The following OR4C11 variants were observed in gnomAD, a reference collection of about 807,000 sequenced individuals.
OR4C11 encodes olfactory receptor family 4 subfamily C member 11, also known as olfactory receptor 4C11.
In OR4C11, 15 loss-of-function variants were observed where a neutral mutation model predicts 14.7. The ratio of observed to expected loss-of-function variants is 1.02; its 90% CI spans 0.68 to 1.58. The LOEUF (loss-of-function observed/expected upper bound fraction) is 1.58. OR4C11 is among the 40% of genes most tolerant of loss of function. The probability of loss-of-function intolerance (pLI) is 0.00; values close to 1 mark genes in which losing one functional copy is unlikely to be tolerated. For missense variants in OR4C11, 473 were observed against 383.0 expected, an observed-to-expected ratio of 1.24 and a Z score of -1.96; for synonymous variants, 146 against 135.0, an observed-to-expected ratio of 1.08 and a Z score of -0.57.
intron 2 of OR4C11, among the ~76,000 whole-genome samples, chr11:55,605,763 T>C (rs1857952530): frequency 7.2e-6 from 1 of 138,814 alleles, no homozygotes; most frequent in African/African-American, 2.5e-5. Flanking sequence ...TTATAAAGAT[T>C]ATGCCTCTGG....
In OR4C11 at chr11:55,604,310, G is replaced by T. The variant is rs769346004; in HGVS notation, c.64C>A (p.Gln22Lys). 8.4e-6 allele frequency: 12 copies of T among 1,420,938 alleles called. 1 individual carries two copies. Among genetic ancestry groups the T allele is most frequent in the Non-Finnish European group, 1.1e-5 (11 of 1,040,048 alleles). The allele number at this position is 1,420,938 out of a possible 1,614,324, so 88.0% of individuals were successfully genotyped here. Residue 22 changes from glutamine to lysine, a missense_variant, in exon 4 of 4, where the codon CAG becomes AAG. Coordinates refer to ENST00000641580, the MANE Select transcript of OR4C11 (RefSeq NM_001004700.3). ...LLGLTQDPLR[Q>K]KIVFVIFLIF... The stretch of plus-strand genomic sequence containing the variant: ...AAGAAGATTACAAACACTATTTTCT[G>T]CCTCAAGGGATCCTGTGTTAATCCT...
chr11:55,603,596 G>T lies in OR4C11; in HGVS notation c.778C>A (p.Pro260Thr), dbSNP rs1326011560. 6.7e-6 allele frequency: 10 copies of T among 1,485,216 alleles called. 1 individual carries two copies. The highest frequency in any genetic ancestry group is 1.4e-5 in the African/African-American group (1 of 72,488). The allele number at this position is 1,485,216 out of a possible 1,614,324, so 92.0% of individuals were successfully genotyped here. A position where few individuals can be genotyped will look rare whatever the true frequency, so the allele number is the denominator to read the frequency against. The change falls in exon 4 of 4, where the codon CCG becomes ACG. Residue 260 changes from proline (P) to threonine (T), a missense_variant. By Grantham distance (38) the Pro-to-Thr change is conservative. Coordinates refer to ENST00000641580, the MANE Select transcript of OR4C11 (RefSeq NM_001004700.3). Reference sequence around the variant, plus strand: ...ATCTTGTCCATGGGGAAAGTGGTCGGGGGGCGTGTATATATGAATATACAT... The same window carrying T: ...ATCTTGTCCATGGGGAAAGTGGTCGTGGGGCGTGTATATATGAATATACAT... ...GPCIFIYTRPPTTFPMDKMVA... is the reference protein window; with the variant it reads ...GPCIFIYTRPTTTFPMDKMVA...
rs774978028 is a variant in OR4C11, at chr11:55,603,774, G to C, written c.600C>G (p.Asn200Lys). The change falls in exon 4 of 4, where the codon AAC becomes AAG. Residue 200 changes from asparagine to lysine, a missense_variant. Coordinates refer to ENST00000641580, the MANE Select transcript of OR4C11 (RefSeq NM_001004700.3). ...TYMINLLLVS[N>K]SGAICSSSFM... ...AACTACTTGAGCAAATTGCCCCACT[G>C]TTAGACACCAACAGCAGGTTGATCA... 4 of 1,488,252 alleles carry C rather than the reference G, an allele frequency of 2.7e-6. No individual in the cohort carries two copies. The highest frequency in any genetic ancestry group is 2.4e-5 in the South Asian group (2 of 84,714). The allele number at this position is 1,488,252 out of a possible 1,614,324, so 92.2% of individuals were successfully genotyped here. A position where few individuals can be genotyped will look rare whatever the true frequency, so the allele number is the denominator to read the frequency against.
Position 55,604,168 on chromosome 11 carries a change from GAA to G in OR4C11, c.204_205del (p.Ser69LeufsTer9). The G allele has an allele frequency of 6.8e-7, 1 of 1,472,162 alleles. No individual in the cohort carries two copies. The highest frequency in any genetic ancestry group is 9.2e-7 in the Non-Finnish European group (1 of 1,083,702). The allele number at this position is 1,472,162 out of a possible 1,614,324, so 91.2% of individuals were successfully genotyped here. Reference sequence around the variant, plus strand: ...AGGGGCTGTGGAAGTTGAAAAGCAAGAATCTGCAAAGGACAAATAAAATAGAA... The same window carrying G: ...AGGGGCTGTGGAAGTTGAAAAGCAAGTCTGCAAAGGACAAATAAAATAGAA... On this transcript the variant is annotated frameshift_variant, in exon 4 of 4. Transcript: ENST00000641580. LOFTEE classifies it high-confidence loss of function.
rs35363992 is a variant in OR4C11, at chr11:55,606,210, G to GCACACA, written c.-207+306_-207+311dup. Among the ~76,000 whole-genome samples the GCACACA allele has an allele frequency of 3.0e-5, 4 of 132,524 alleles. 1 individual carries two copies. Among genetic ancestry groups the GCACACA allele is most frequent in the African/African-American group, 1.0e-4 (4 of 38,560 alleles). 86.9% of individuals were successfully genotyped at this position (132,524 alleles called of 152,430 possible). A position where few individuals can be genotyped will look rare whatever the true frequency, so the allele number is the denominator to read the frequency against. On this transcript the variant is annotated intron_variant, in intron 2 of 3. Coordinates refer to ENST00000641580, the MANE Select transcript of OR4C11 (RefSeq NM_001004700.3). ...GCTGTGTGTTTATATGCACACGCACGCACACACACACACACACAAAATTGT... is the reference window on the plus strand; with the variant it reads ...GCTGTGTGTTTATATGCACACGCACGCACACACACACACACACACACACAAAATTGT...
rs1350859020 is a variant in OR4C11, at chr11:55,602,779, C to G, written c.*662G>C. On this transcript the variant is annotated 3_prime_UTR_variant, in exon 4 of 4. Coordinates refer to ENST00000641580, the MANE Select transcript of OR4C11 (RefSeq NM_001004700.3). ...TATATTAGCCTCTGACTCAAAAATA[C>G]AGAACTTTTTAAATACAAAGTAGTG... The G allele has an allele frequency of 1.4e-5, 2 of 138,730 alleles. 1 individual carries two copies. Among genetic ancestry groups the G allele is most frequent in the Non-Finnish European group, 3.2e-5 (2 of 62,266 alleles). 8.6% of individuals were successfully genotyped at this position (138,730 alleles called of 1,614,324 possible). A position where few individuals can be genotyped will look rare whatever the true frequency, so the allele number is the denominator to read the frequency against.
rs372673679 is a variant in OR4C11 at position 55,604,515 on chromosome 11, C to T, written c.-44-98G>A. The T allele has an allele frequency of 2.0e-5, 8 of 402,728 alleles. 3 individuals are homozygous for T. The allele number at this position is 402,728 out of a possible 1,614,324, so 24.9% of individuals were successfully genotyped here. A position where few individuals can be genotyped will look rare whatever the true frequency, so the allele number is the denominator to read the frequency against. ...TTCCAATGGCTTATTATTGACAATT[C>T]TTTGTATTTTTTTCTGAGTGAAATG... is the stretch of plus-strand genomic sequence containing the variant. On this transcript the variant is annotated intron_variant, in intron 3 of 3. Coordinates refer to ENST00000641580, the MANE Select transcript of OR4C11 (RefSeq NM_001004700.3).
Position 55,603,489 on chromosome 11 carries a change from G to A in OR4C11, c.885C>T (p.Ala295=). Residue 295 remains alanine (A), a synonymous_variant, in exon 4 of 4, where the codon GCC becomes GCT. Coordinates refer to ENST00000641580, the MANE Select transcript of OR4C11 (RefSeq NM_001004700.3). The part of the protein sequence containing the change: ...YTLRNAEVKN[A]MRKLWHGKII... ...TTTTGCCATGCCATAACTTTCTCAT[G>A]GCATTTTTCACTTCTGCATTCCTCA... The A allele has an allele frequency of 1.4e-6, 2 of 1,471,144 alleles. 1 individual carries two copies. Among genetic ancestry groups the A allele is most frequent in the Non-Finnish European group, 1.8e-6 (2 of 1,086,250 alleles). 91.1% of individuals were successfully genotyped at this position (1,471,144 alleles called of 1,614,324 possible). A position where few individuals can be genotyped will look rare whatever the true frequency, so the allele number is the denominator to read the frequency against.
chr11:55,604,362 A>AT lies in OR4C11; in HGVS notation c.11dup (p.Asn4LysfsTer2). The AT allele has an allele frequency of 1.5e-6, 2 of 1,306,820 alleles. 1 individual carries two copies. The highest frequency in any genetic ancestry group is 2.9e-5 in the South Asian group (2 of 68,482). 81.0% of individuals were successfully genotyped at this position (1,306,820 alleles called of 1,614,324 possible). A position where few individuals can be genotyped will look rare whatever the true frequency, so the allele number is the denominator to read the frequency against. Reference sequence around the variant, plus strand: ...ACAGTATGAATTCAGGCACACTGTTATTTTGCTGCATTGTTTCAGTTGATG... The same window carrying AT: ...ACAGTATGAATTCAGGCACACTGTTATTTTTGCTGCATTGTTTCAGTTGATG... On this transcript the variant is annotated frameshift_variant, in exon 4 of 4. Transcript: ENST00000641580. LOFTEE classifies it high-confidence loss of function.
chr11:55,605,447 T>C (rs1428514484), intron 2 of OR4C11, among the ~76,000 whole-genome samples, 160 bp from the exon 3 acceptor site: 2 of 138,738 alleles, frequency 1.4e-5, no homozygotes, highest in African/African-American at 5.0e-5. Flanking sequence ...TGTATGTTCT[T>C]ATGAATCCCA....
At position 55,606,148 on chromosome 11, in the gene OR4C11, T is replaced by G. The variant is rs186552832; in HGVS notation, c.-207+374A>C. ...ATTAATGAATCAAGGATGATATTTTTACGCAAACATTAATAAGAATGAAGC... is the reference window on the plus strand; with the variant it reads ...ATTAATGAATCAAGGATGATATTTTGACGCAAACATTAATAAGAATGAAGC... On this transcript the variant is annotated intron_variant, in intron 2 of 3. Coordinates refer to ENST00000641580, the MANE Select transcript of OR4C11 (RefSeq NM_001004700.3). Among the ~76,000 whole-genome samples the G allele has an allele frequency of 1.4e-3, 200 of 138,358 alleles. 23 individuals carry two copies. The highest frequency in any genetic ancestry group is 4.2e-3 in the African/African-American group (167 of 39,998). The allele number at this position is 138,358 out of a possible 152,430, so 90.8% of individuals were successfully genotyped here. A position where few individuals can be genotyped will look rare whatever the true frequency, so the allele number is the denominator to read the frequency against.
At position 55,603,668 on chromosome 11, in the gene OR4C11, A is replaced by G. The variant is rs765632007; in HGVS notation, c.706T>C (p.Ser236Pro). Residue 236 changes from serine (S) to proline (P), a missense_variant, in exon 4 of 4, where the codon TCC (serine) becomes CCC (proline). Transcript: ENST00000641580. ...ACAATTATGTGAGACGTGCAAGCGGAGAGAGCCTTTTTCTTCCCTTTGGCA... is the reference window on the plus strand; with the variant it reads ...ACAATTATGTGAGACGTGCAAGCGGGGAGAGCCTTTTTCTTCCCTTTGGCA... ...HSAKGKKKAL[S>P]ACTSHIIVVI... 1.4e-6 allele frequency: 2 copies of G among 1,480,492 alleles called. No individual in the cohort carries two copies. Among genetic ancestry groups the G allele is most frequent in the South Asian group, 2.4e-5 (2 of 84,632 alleles). 91.7% of individuals were successfully genotyped at this position (1,480,492 alleles called of 1,614,324 possible). A position where few individuals can be genotyped will look rare whatever the true frequency, so the allele number is the denominator to read the frequency against.
rs187409915 is a variant in OR4C11 at position 55,605,344 on chromosome 11, A to T, written c.-206-57T>A. ...GACACATAAATCAGGACATTCTTTC[A>T]AATTTCAGGTTTGCAGGTAAGCATC... On this transcript the variant is annotated intron_variant, in intron 2 of 3. Transcript: ENST00000641580. 2 of 138,200 alleles carry T rather than the reference A, an allele frequency of 1.4e-5. 1 individual carries two copies. The highest frequency in any genetic ancestry group is 3.2e-5 in the Non-Finnish European group (2 of 62,192). 8.6% of individuals were successfully genotyped at this position (138,200 alleles called of 1,614,324 possible).
intron 3 of OR4C11, 60 bp from the exon 4 acceptor site, chr11:55,604,477 T>A (rs1282068582): frequency 4.1e-6 from 2 of 491,464 alleles, no homozygotes; most frequent in African/African-American, 3.9e-5. Flanking sequence ...ATTCTTGCAA[T>A]GAAATTGCAA....
chr11:55,603,448 T>G lies in OR4C11; in HGVS notation c.926A>C (p.Lys309Thr), dbSNP rs775362933. 33 of 1,397,316 alleles carry G rather than the reference T, an allele frequency of 2.4e-5. 9 individuals are homozygous for G. The South Asian group carries it at 4.3e-4, about 18-fold the overall frequency. The allele number at this position is 1,397,316 out of a possible 1,614,324, so 86.6% of individuals were successfully genotyped here. A position where few individuals can be genotyped will look rare whatever the true frequency, so the allele number is the denominator to read the frequency against. ...LWHGKIISEN[K>T]G ...TCAGGTCAGGCCCTCAATTTATCCT[T>G]TGTTTTCTGAAATAATTTTGCCATG... The change falls in exon 4 of 4, where the codon AAA becomes ACA. Residue 309 changes from lysine to threonine, a missense_variant. Transcript: ENST00000641580.
In OR4C11 at chr11:55,602,510, T is replaced by C. The variant is rs989071299; in HGVS notation, c.*931A>G. 9 of 138,350 alleles carry C rather than the reference T, an allele frequency of 6.5e-5. No individual in the cohort carries two copies. The highest frequency in any genetic ancestry group is 2.3e-4 in the African/African-American group (9 of 39,906). The allele number at this position is 138,350 out of a possible 1,614,324, so 8.6% of individuals were successfully genotyped here. A position where few individuals can be genotyped will look rare whatever the true frequency, so the allele number is the denominator to read the frequency against. On this transcript the variant is annotated 3_prime_UTR_variant, in exon 4 of 4. Coordinates refer to ENST00000641580, the MANE Select transcript of OR4C11 (RefSeq NM_001004700.3). ...CATTGCCAATTCTAACTTGTGATTC[T>C]ATGCAGCCCCAATTATTAGGACAGA...
rs1857906229 is a variant in OR4C11, at chr11:55,603,228, C to A, written c.*213G>T. The A allele has an allele frequency of 2.6e-6, 1 of 382,936 alleles. No homozygotes were observed. The highest frequency in any genetic ancestry group is 4.9e-5 in the Admixed American group (1 of 20,338). The allele number at this position is 382,936 out of a possible 1,614,324, so 23.7% of individuals were successfully genotyped here. ...AAAGAAAAGACTACTGGTAGGTAAT[C>A]ACCTGAATTAATCTATATTCTACCT... On this transcript the variant is annotated 3_prime_UTR_variant, in exon 4 of 4. Coordinates refer to ENST00000641580, the MANE Select transcript of OR4C11 (RefSeq NM_001004700.3).
intron 2 of OR4C11, among the ~76,000 whole-genome samples, chr11:55,605,847 G>A (rs950804293): frequency 4.3e-5 from 6 of 138,392 alleles, no homozygotes; most frequent in Non-Finnish European, 8.0e-5. Context: ...CACCTATCAG[G>A]TTAATAAAGT....
rs780961751 is a variant in OR4C11, at chr11:55,603,833, G to T, written c.541C>A (p.Pro181Thr). 11 of 1,491,456 alleles carry T rather than the reference G, an allele frequency of 7.4e-6. 2 individuals carry two copies. The South Asian group carries it at 1.3e-4, about 18-fold the overall frequency. The allele number at this position is 1,491,456 out of a possible 1,614,324, so 92.4% of individuals were successfully genotyped here. Residue 181 changes from proline to threonine, a missense_variant, in exon 4 of 4, where the codon CCC becomes ACC. Pro to Thr is a conservative substitution (Grantham distance 38). Coordinates refer to ENST00000641580, the MANE Select transcript of OR4C11 (RefSeq NM_001004700.3). The part of the protein sequence containing the change: ...LIDHYCCDLQ[P>T]LLKLACMDTY... ...TCCATGCAGGCAAGTTTCAACAAGG[G>T]CTGCAAATCACAGCAATAATGATCA... is the stretch of plus-strand genomic sequence containing the variant.
Sources: gnomAD v4.1 joint callset for allele counts (sites outside exome capture counted in the v4.1 genomes callset) on GRCh38, gnomAD v4.1.1 for gene constraint, MANE v1.5 for transcripts, NCBI Gene and HGNC (gene_info 2026-07-23, HGNC 2026-07-21) for gene names.